Variants in ITPR2 observed in about 807,000 individuals in gnomAD.
The protein encoded by ITPR2 is inositol 1,4,5-trisphosphate-gated calcium channel ITPR2.
A neutral mutation model predicts 317.1 loss-of-function variants in ITPR2; 207 were observed. The ratio of observed to expected loss-of-function variants is 0.65; its 90% CI spans 0.58 to 0.73. ITPR2 has a LOEUF of 0.73. ITPR2 is among the 30% of genes least tolerant of loss of function. The probability of loss-of-function intolerance (pLI) is 0.00; values close to 1 mark genes in which losing one functional copy is unlikely to be tolerated. For missense variants in ITPR2, 2,613 were observed against 3,284.0 expected (o/e 0.80, Z 4.99); for synonymous variants, 1,156 against 1,149.1 (o/e 1.01, Z -0.12).
At chr12:26,675,602 C>T (rs1355682438) in intron 13 of ITPR2, among the ~76,000 whole-genome samples, 98 of 152,026 alleles carry the variant, frequency 6.4e-4, no homozygotes, top group African/African-American at 2.2e-3. Context: ...TGCTAGATGA[C>T]GAGTTAGTGG....
chr12:26,363,427 A>G (rs1938902866), intron 55 of ITPR2, among the ~76,000 whole-genome samples: 1 of 152,224 alleles, frequency 6.6e-6, no homozygotes, highest in Non-Finnish European at 1.5e-5. Context: ...ATGCACTTGA[A>G]TCATCCCCAA....
At chr12:26,480,168 C>T (rs79873047) in intron 43 of ITPR2, among the ~76,000 whole-genome samples, 2,114 of 152,170 alleles carry the variant, frequency 0.014, 41 homozygotes, top group African/African-American at 0.048. Context: ...CCTGTTTAAC[C>T]CTAAACACAA....
At chr12:26,498,253 C>T (rs1942990353) in intron 37 of ITPR2, among the ~76,000 whole-genome samples, 1 of 152,166 alleles carries the variant, frequency 6.6e-6, no homozygotes, top group Non-Finnish European at 1.5e-5. Flanking sequence ...CTTATTCTAC[C>T]AAGGAATACA....
chr12:26,363,004 G>A (rs957833774), intron 55 of ITPR2, among the ~76,000 whole-genome samples: 3 of 152,176 alleles, frequency 2.0e-5, no homozygotes, highest in African/African-American at 7.2e-5. Context: ...ACGTAGATCA[G>A]GGCCCCCAAA....
intron 37 of ITPR2, among the ~76,000 whole-genome samples, chr12:26,517,685 A>G (rs944663661): frequency 2.0e-4 from 30 of 152,264 alleles, no homozygotes; most frequent in African/African-American, 6.5e-4. Flanking sequence ...TAAAAATACA[A>G]AAATTAGCCA....
chr12:26,698,050 C>G (rs1014109304), intron 9 of ITPR2, among the ~76,000 whole-genome samples: 4 of 152,016 alleles, frequency 2.6e-5, no homozygotes, highest in African/African-American at 9.7e-5. Flanking sequence ...CACAGACAAC[C>G]AGAGAAGAGA....
intron 45 of ITPR2, among the ~76,000 whole-genome samples, chr12:26,474,402 T>C (rs938586867): frequency 6.6e-6 from 1 of 152,244 alleles, no homozygotes; most frequent in Non-Finnish European, 1.5e-5. Context: ...CATTCAAAGA[T>C]GCCAATTTAA....
chr12:26,714,303 T>C (rs1948700794), intron 8 of ITPR2, among the ~76,000 whole-genome samples: 1 of 152,154 alleles, frequency 6.6e-6, no homozygotes, highest in Non-Finnish European at 1.5e-5. Context: ...TGGTTATCAT[T>C]CAAGGGCCCA....
At chr12:26,789,711 T>C (rs908440123) in intron 2 of ITPR2, among the ~76,000 whole-genome samples, 3 of 152,196 alleles carry the variant, frequency 2.0e-5, no homozygotes, top group African/African-American at 7.2e-5. Context: ...TCTAAGACAA[T>C]TGTCAGTTAT....
intron 15 of ITPR2, among the ~76,000 whole-genome samples, chr12:26,663,000 G>C (rs112833340): frequency 9.2e-5 from 14 of 152,056 alleles, no homozygotes; most frequent in African/African-American, 2.9e-4. Flanking sequence ...TGAGACTTAA[G>C]AGAAATTTCA....
rs1947412929 is a variant in ITPR2 at position 26,658,005 on chromosome 12, G to A, written c.2006+6C>T. On this transcript the variant is annotated splice_donor_region_variant and intron_variant, in intron 17 of 56. Transcript: ENST00000381340. ...GGAAAATGATGCATCCATTATCTGG[G>A]CTTACTTAGTTTGAATGAGAATGTC... The A allele has an allele frequency of 3.1e-6, 5 of 1,608,326 alleles. No homozygotes were observed. Among genetic ancestry groups the A allele is most frequent in the Admixed American group, 1.7e-5 (1 of 59,044 alleles).
chr12:26,815,703 T>C (rs975544315), intron 1 of ITPR2, among the ~76,000 whole-genome samples: 1 of 152,004 alleles, frequency 6.6e-6, no homozygotes, highest in African/African-American at 2.4e-5. Flanking sequence ...GCGTGCATTA[T>C]CAAAGTAAGG....
intron 45 of ITPR2, among the ~76,000 whole-genome samples, chr12:26,455,695 T>C (rs1941864845): frequency 6.6e-6 from 1 of 151,942 alleles, no homozygotes; most frequent in Non-Finnish European, 1.5e-5. Flanking sequence ...AAAGAGAAAA[T>C]TTAAAGAAAA....
intron 1 of ITPR2, among the ~76,000 whole-genome samples, chr12:26,814,169 A>G (rs143703449): frequency 1.4e-3 from 207 of 152,342 alleles, no homozygotes; most frequent in African/African-American, 4.8e-3. Flanking sequence ...TGCGGCAGAT[A>G]GCAGCCATGC....
intron 14 of ITPR2, among the ~76,000 whole-genome samples, chr12:26,664,507 G>A (rs1324666828): frequency 6.6e-6 from 1 of 152,180 alleles, no homozygotes; most frequent in Non-Finnish European, 1.5e-5. Flanking sequence ...CTTTTCGGCA[G>A]CAAGACAGCA....
Position 26,336,881 on chromosome 12 carries a change from T to C in ITPR2, c.*2516A>G, listed in dbSNP as rs938556577. On this transcript the variant is annotated 3_prime_UTR_variant, in exon 57 of 57. Coordinates refer to ENST00000381340, the MANE Select transcript of ITPR2 (RefSeq NM_002223.4). ...CATACACATAACAAATATAAATTTA[T>C]ATCAAATGTCAAATTTCCCCATTAT... The C allele has an allele frequency of 2.6e-5, 4 of 152,040 alleles. No homozygotes were observed. The highest frequency in any genetic ancestry group is 4.4e-5 in the Non-Finnish European group (3 of 68,004). The allele number at this position is 152,040 out of a possible 1,614,324, so 9.4% of individuals were successfully genotyped here. A position where few individuals can be genotyped will look rare whatever the true frequency, so the allele number is the denominator to read the frequency against.
rs1041203229 is a variant in ITPR2, at chr12:26,831,932, T to TA, written c.92+757_92+758insT. ...ACATATATGTGTATATATATATATA[T>TA]TTTTCCCCCCATTCAACTCGAATCT... On this transcript the variant is annotated intron_variant, in intron 1 of 56. Coordinates refer to ENST00000381340, the MANE Select transcript of ITPR2 (RefSeq NM_002223.4). This position sits in a 1 kb window ranked among gnomAD's most constrained non-coding sequence, Gnocchi z 4.9. Among the ~76,000 whole-genome samples the TA allele has an allele frequency of 1.0e-4, 15 of 148,866 alleles. No individual in the cohort carries two copies. The highest frequency in any genetic ancestry group is 1.4e-4 in the Admixed American group (2 of 14,810).
chr12:26,689,727 C>T (rs1254693026), intron 10 of ITPR2, among the ~76,000 whole-genome samples: 1 of 152,100 alleles, frequency 6.6e-6, no homozygotes, highest in East Asian at 1.9e-4. Flanking sequence ...TTACAGGGCC[C>T]AGTAGAAGAC....
intron 5 of ITPR2, among the ~76,000 whole-genome samples, chr12:26,719,204 T>C (rs1948792385): frequency 6.6e-6 from 1 of 152,216 alleles, no homozygotes; most frequent in Non-Finnish European, 1.5e-5. Context: ...ACAGAATTCA[T>C]ACCTAATTAG....
Sources: allele counts gnomAD v4.1 joint callset (sites outside exome capture counted in the v4.1 genomes callset), GRCh38; gene constraint gnomAD v4.1.1; non-coding constraint Gnocchi (gnomAD v3.1); transcripts MANE v1.5; gene names NCBI Gene and HGNC (gene_info 2026-07-23, HGNC 2026-07-21).